DCC: variants seen among roughly 807,000 people sequenced by gnomAD.
The protein encoded by DCC is netrin receptor DCC.
A neutral mutation model predicts 172.5 loss-of-function variants in DCC; 58 were observed. The observed-to-expected ratio is 0.34, with a 90% CI of 0.27 to 0.42. The LOEUF is 0.42. Ranked by LOEUF, DCC falls within the 10% of genes least tolerant of loss-of-function variation. The pLI, the probability that DCC is intolerant of heterozygous loss-of-function variation, is 1.00. For missense variants in DCC, 1,740 were observed against 1,791.0 expected (o/e 0.97, Z 0.51); for synonymous variants, 709 against 644.5 (o/e 1.10, Z -1.52).
At chr18:52,942,819 G>T (rs1015298899) in intron 5 of DCC, among the ~76,000 whole-genome samples, 4 of 152,128 alleles carry the variant, frequency 2.6e-5, no homozygotes, top group Non-Finnish European at 5.9e-5. Context: ...TTACCAATTT[G>T]AAATATTTTG....
intron 1 of DCC, among the ~76,000 whole-genome samples, chr18:52,493,068 A>G (rs1314522014): frequency 1.3e-5 from 2 of 152,126 alleles, no homozygotes; most frequent in Non-Finnish European, 2.9e-5. Context: ...TAAATGTGTC[A>G]GATTAGAAGA....
intron 1 of DCC, among the ~76,000 whole-genome samples, chr18:52,594,532 T>C (rs1317886983): frequency 6.6e-6 from 1 of 152,184 alleles, no homozygotes; most frequent in Non-Finnish European, 1.5e-5. Flanking sequence ...TACCTTGACT[T>C]GATTCTTCAA....
chr18:52,487,523 G>A (rs2144596253), intron 1 of DCC, among the ~76,000 whole-genome samples: 2 of 152,132 alleles, frequency 1.3e-5, no homozygotes, highest in Middle Eastern at 3.4e-3. Flanking sequence ...AACGTTAGAG[G>A]AAGTAGACCG....
At chr18:53,254,585 C>T (rs2056480802) in intron 12 of DCC, among the ~76,000 whole-genome samples, 1 of 151,994 alleles carries the variant, frequency 6.6e-6, no homozygotes, top group Non-Finnish European at 1.5e-5. Flanking sequence ...GGTTCTTAAT[C>T]AGGGGTGTGA....
intron 1 of DCC, among the ~76,000 whole-genome samples, chr18:52,671,580 C>A (rs1003357530): frequency 1.3e-5 from 2 of 149,062 alleles, no homozygotes; most frequent in African/African-American, 2.5e-5. Context: ...CTGTCACCCA[C>A]CCCGGCTGGA....
intron 1 of DCC, among the ~76,000 whole-genome samples, chr18:52,645,065 G>C (rs149240305): frequency 6.6e-6 from 1 of 151,910 alleles, no homozygotes; most frequent in Non-Finnish European, 1.5e-5. Flanking sequence ...TGTAAGAAGC[G>C]GATTTCCCCA....
At chr18:52,648,950 C>A (rs954869123) in intron 1 of DCC, among the ~76,000 whole-genome samples, 3 of 152,128 alleles carry the variant, frequency 2.0e-5, no homozygotes, top group African/African-American at 7.2e-5. Flanking sequence ...TGTATCTTTG[C>A]TAAGGGTTTC....
chr18:52,522,563 T>C (rs2144668912), intron 1 of DCC, among the ~76,000 whole-genome samples: 1 of 152,352 alleles, frequency 6.6e-6, no homozygotes, highest in East Asian at 1.9e-4. Context: ...TATTTACTTA[T>C]ATCAAAAGTA....
chr18:52,824,298 G>T lies in DCC; in HGVS notation c.412+71924G>T, dbSNP rs1034270312. On this transcript the variant is annotated intron_variant, in intron 2 of 28. Coordinates refer to ENST00000442544, the MANE Select transcript of DCC (RefSeq NM_005215.4). ...TCCTTGTGTCTTGTGAATGATGGCA[G>T]GTTTATTTCAAAATTGTGAGAAAAG... is the stretch of plus-strand genomic sequence containing the variant. Among the ~76,000 whole-genome samples the T allele has an allele frequency of 1.7e-4, 26 of 152,214 alleles. 1 individual carries two copies. The highest frequency in any genetic ancestry group is 9.2e-4 in the Admixed American group (14 of 15,290).
intron 5 of DCC, among the ~76,000 whole-genome samples, chr18:52,973,468 G>A (rs1252839268): frequency 2.0e-5 from 3 of 152,030 alleles, no homozygotes; most frequent in African/African-American, 7.2e-5. Context: ...GTAGGTTTTT[G>A]CTCTCCCTTT....
At chr18:52,451,237 A>G (rs909752618) in intron 1 of DCC, among the ~76,000 whole-genome samples, 1 of 152,190 alleles carries the variant, frequency 6.6e-6, no homozygotes, top group Non-Finnish European at 1.5e-5. Context: ...CCTAGGGTAT[A>G]TGAGCCGTAT....
At chr18:52,386,605 T>C (rs1181405601) in intron 1 of DCC, among the ~76,000 whole-genome samples, 1 of 152,084 alleles carries the variant, frequency 6.6e-6, no homozygotes, top group Non-Finnish European at 1.5e-5. Context: ...CCCCAAGGTG[T>C]ATACATTATT....
chr18:52,777,417 TCTC>T (rs1265732976), intron 2 of DCC, among the ~76,000 whole-genome samples: 1 of 152,102 alleles, frequency 6.6e-6, no homozygotes, highest in Non-Finnish European at 1.5e-5. Context: ...CACACTACCT[TCTC>T]CTCCTCTGGG....
At chr18:52,405,861 G>A (rs1283290983) in intron 1 of DCC, among the ~76,000 whole-genome samples, 7 of 151,308 alleles carry the variant, frequency 4.6e-5, no homozygotes, top group African/African-American at 1.2e-4. Flanking sequence ...CCTGCATCGC[G>A]AAGTCAATCC....
intron 5 of DCC, among the ~76,000 whole-genome samples, chr18:53,050,422 C>A (rs986647312): frequency 6.6e-6 from 1 of 152,036 alleles, no homozygotes; most frequent in East Asian, 1.9e-4. Flanking sequence ...GAATGTTTTC[C>A]ATTTTTTTGT....
chr18:52,666,354 C>T (rs527587898), intron 1 of DCC, among the ~76,000 whole-genome samples: 59 of 152,064 alleles, frequency 3.9e-4, no homozygotes, highest in South Asian at 1.5e-3. Flanking sequence ...TTTTCTTTTC[C>T]AATATGTGAA....
At chr18:52,574,834 T>C (rs1277882575) in intron 1 of DCC, among the ~76,000 whole-genome samples, 2 of 152,170 alleles carry the variant, frequency 1.3e-5, no homozygotes, top group Non-Finnish European at 2.9e-5. Flanking sequence ...AAAGGTGAGT[T>C]GACTGTGAGA....
intron 14 of DCC, among the ~76,000 whole-genome samples, chr18:53,330,913 G>A (rs1236875466): frequency 2.0e-5 from 3 of 152,066 alleles, no homozygotes; most frequent in Admixed American, 6.6e-5. Context: ...TGAACTTCTC[G>A]ATATTTCACA....
intron 1 of DCC, among the ~76,000 whole-genome samples, chr18:52,570,961 AG>A (rs1265450350): frequency 6.6e-6 from 1 of 152,138 alleles, no homozygotes; most frequent in East Asian, 1.9e-4. Flanking sequence ...AGCTTACTTT[AG>A]GGGTTATAAT....
Sources: allele counts gnomAD v4.1 joint callset (sites outside exome capture counted in the v4.1 genomes callset), GRCh38; gene constraint gnomAD v4.1.1; transcripts MANE v1.5; gene names NCBI Gene and HGNC (gene_info 2026-07-23, HGNC 2026-07-21).